SLC35F2: variants seen among roughly 807,000 people sequenced by gnomAD.
SLC35F2 encodes the protein queuine/queuosine transporter SLC35F2.
In SLC35F2, 25 loss-of-function variants were observed where a neutral mutation model predicts 38.1. The observed-to-expected ratio is 0.66, with a 90% CI of 0.48 to 0.92. SLC35F2 has a LOEUF of 0.92. Ranked by LOEUF, SLC35F2 falls within the 40% of genes least tolerant of loss-of-function variation. SLC35F2 has a pLI of 0.00. For synonymous variants in SLC35F2, 173 were observed against 181.7 expected (o/e 0.95, Z 0.38); for missense variants, 409 against 452.9 (o/e 0.90, Z 0.88).
chr11:107,844,384 T>C (rs893768950), intron 1 of SLC35F2, among the ~76,000 whole-genome samples: 1 of 152,232 alleles, frequency 6.6e-6, no homozygotes, highest in East Asian at 1.9e-4. Context: ...TCCCAGCACT[T>C]TGGGAGGCCG....
At chr11:107,857,350 A>C (rs2134873727) in intron 1 of SLC35F2, among the ~76,000 whole-genome samples, 1 of 143,946 alleles carries the variant, frequency 6.9e-6, no homozygotes, top group South Asian at 2.4e-4. Flanking sequence ...AGAGGGAAGG[A>C]AGGAAGGAGA....
rs761122216 is a variant in SLC35F2, at chr11:107,815,922, A to C, written c.154T>G (p.Cys52Gly). Residue 52 changes from cysteine to glycine, a missense_variant, in exon 2 of 8, where the codon TGT (cysteine) becomes GGT (glycine). Physicochemically the swap from Cys to Gly is radical, Grantham distance 159. Coordinates refer to ENST00000525815, the MANE Select transcript of SLC35F2 (RefSeq NM_017515.5). ...CTGGTGATGGCTGTCCCACATATAC[A>C]CAAGGACAACATCTGACCCAGGGCA... Reference protein sequence around the residue: ...TIALGQMLSLCICGTAITSQY... With the variant: ...TIALGQMLSLGICGTAITSQY... 6.2e-6 allele frequency: 10 copies of C among 1,613,688 alleles called. No individual in the cohort carries two copies.
At chr11:107,809,606 T>C (rs1481350026) in intron 3 of SLC35F2, 1 of 819,198 alleles carries the variant, frequency 1.2e-6, no homozygotes, top group African/African-American at 1.9e-5. Context: ...TACTCCAGCC[T>C]GGGTGACAGA....
chr11:107,796,981 G>A (rs188514110), intron 7 of SLC35F2, among the ~76,000 whole-genome samples: 3 of 152,090 alleles, frequency 2.0e-5, no homozygotes, highest in African/African-American at 4.8e-5. Flanking sequence ...CCTAAGGGAC[G>A]TTGTTTAATG....
In SLC35F2 at chr11:107,815,912, C is replaced by T; in HGVS notation, c.164G>A (p.Gly55Glu). Reference protein sequence around the residue: ...LGQMLSLCICGTAITSQYLAE... With the variant: ...LGQMLSLCICETAITSQYLAE... ...CAAATACTGGCTGGTGATGGCTGTCCCACATATACACAAGGACAACATCTG... is the reference window on the plus strand; with the variant it reads ...CAAATACTGGCTGGTGATGGCTGTCTCACATATACACAAGGACAACATCTG... The change falls in exon 2 of 8, where the codon GGG becomes GAG. Residue 55 changes from glycine (G) to glutamate (E), a missense_variant. Coordinates refer to ENST00000525815, the MANE Select transcript of SLC35F2 (RefSeq NM_017515.5). The T allele has an allele frequency of 6.2e-7, 1 of 1,613,470 alleles. No individual in the cohort carries two copies.
At chr11:107,800,776 G>A (rs753071346) in intron 7 of SLC35F2, among the ~76,000 whole-genome samples, 2 of 152,040 alleles carry the variant, frequency 1.3e-5, no homozygotes, top group African/African-American at 2.4e-5. Context: ...TGTAGGGATG[G>A]GGTTTTACCA....
At chr11:107,858,522 G>A in intron 1 of SLC35F2, 136 bp downstream of exon 1, 2 of 762,320 alleles carry the variant, frequency 2.6e-6, no homozygotes, top group Non-Finnish European at 1.8e-6. Context: ...GTTGAGCCCC[G>A]AACCGAAGTC....
chr11:107,856,612 G>T (rs756937630), intron 1 of SLC35F2, among the ~76,000 whole-genome samples: 2 of 152,150 alleles, frequency 1.3e-5, no homozygotes, highest in African/African-American at 4.8e-5. Context: ...CAGGATAATC[G>T]CTTGAACCCG....
intron 7 of SLC35F2, among the ~76,000 whole-genome samples, chr11:107,793,655 A>T (rs1299770971): frequency 6.6e-6 from 1 of 152,202 alleles, no homozygotes; most frequent in Non-Finnish European, 1.5e-5. Context: ...TTTATGGTGG[A>T]CTGAGCAGAT....
intron 7 of SLC35F2, among the ~76,000 whole-genome samples, chr11:107,801,887 A>T (rs1206281543): frequency 6.6e-6 from 1 of 152,172 alleles, no homozygotes; most frequent in African/African-American, 2.4e-5. Flanking sequence ...GCTGCTGACT[A>T]AGGGTAAGTC....
At chr11:107,843,362 GT>G (rs1860041425) in intron 1 of SLC35F2, among the ~76,000 whole-genome samples, 1 of 149,392 alleles carries the variant, frequency 6.7e-6, no homozygotes, top group South Asian at 2.1e-4. Flanking sequence ...GAGGTCGGGA[GT>G]TCAAGACCAG....
At chr11:107,818,144 A>C (rs1859614946) in intron 1 of SLC35F2, among the ~76,000 whole-genome samples, 1 of 150,672 alleles carries the variant, frequency 6.6e-6, no homozygotes, top group African/African-American at 2.4e-5. Flanking sequence ...AAAAGAAACA[A>C]TTGTCAGCTG....
intron 3 of SLC35F2, chr11:107,811,362 A>G (rs1336501042): frequency 1.9e-6 from 1 of 516,702 alleles, no homozygotes; most frequent in Non-Finnish European, 2.5e-6. Flanking sequence ...ATGTTTGAGC[A>G]GCATATAAAA....
chr11:107,820,281 AGAGAGAAAAGAAAGGGAGG>A lies in SLC35F2; in HGVS notation c.111-4335_111-4317del, dbSNP rs1390321526. On this transcript the variant is annotated intron_variant, in intron 1 of 7. Transcript: ENST00000525815. ...AAAATAAAAAAAAAAAAATTGGGAG[AGAGAGAAAAGAAAGGGAGG>A]GAGGGGAAGGAAGGAAGGAGGGAGG... Among the ~76,000 whole-genome samples, 3 of 150,644 alleles carry A rather than the reference AGAGAGAAAAGAAAGGGAGG, an allele frequency of 2.0e-5. No homozygotes were observed. In the East Asian group the frequency reaches 5.8e-4, roughly 29 times the overall value.
At chr11:107,815,670 T>C (rs1430869223) in intron 2 of SLC35F2, 120 bp downstream of exon 2, 1 of 1,140,964 alleles carries the variant, frequency 8.8e-7, no homozygotes, top group Non-Finnish European at 1.2e-6. Context: ...ATCAACAATT[T>C]CAGAGAATTG....
chr11:107,824,102 G>T, intron 1 of SLC35F2: 1 of 705,718 alleles, frequency 1.4e-6, no homozygotes, highest in Non-Finnish European at 1.7e-6. Context: ...TTGCAATTGT[G>T]AAGAACCTAC....
At chr11:107,841,643 T>A (rs1233691821) in intron 1 of SLC35F2, among the ~76,000 whole-genome samples, 1 of 150,858 alleles carries the variant, frequency 6.6e-6, no homozygotes, top group African/African-American at 2.4e-5. Flanking sequence ...ATATGTAAAT[T>A]AAGATGTTAT....
chr11:107,852,806 C>T (rs544529387), intron 1 of SLC35F2, among the ~76,000 whole-genome samples: 117 of 149,504 alleles, frequency 7.8e-4, no homozygotes, highest in Non-Finnish European at 1.5e-3. Context: ...ACCCAGGAGG[C>T]GGAGGCTACA....
intron 2 of SLC35F2, among the ~76,000 whole-genome samples, chr11:107,813,387 C>T (rs1439522308): frequency 1.3e-5 from 2 of 151,998 alleles, no homozygotes; most frequent in Admixed American, 1.3e-4. Context: ...AGAGGTTGCA[C>T]TGAGCCGAGA....
Sources: gnomAD v4.1 joint callset for allele counts (sites outside exome capture counted in the v4.1 genomes callset) on GRCh38, gnomAD v4.1.1 for gene constraint, MANE v1.5 for transcripts, NCBI Gene and HGNC (gene_info 2026-07-23, HGNC 2026-07-21) for gene names.